Variants in TBC1D4 observed in about 807,000 individuals in gnomAD.
TBC1D4 encodes the protein TBC1 domain family member 4.
TBC1D4 carries 121 observed loss-of-function variants against 142.5 expected under a neutral mutation model. The ratio of observed to expected loss-of-function variants is 0.85; its 90% CI spans 0.73 to 0.99. The LOEUF (loss-of-function observed/expected upper bound fraction) is 0.99. Ranked by LOEUF, TBC1D4 falls within the 50% of genes least tolerant of loss-of-function variation. The pLI, the probability that TBC1D4 is intolerant of heterozygous loss-of-function variation, is 0.00. For synonymous variants in TBC1D4, 630 were observed against 628.2 expected (o/e 1.00, Z -0.04); for missense variants, 1,475 against 1,606.6 (o/e 0.92, Z 1.40).
chr13:75,364,778 T>C (rs1013476966), intron 1 of TBC1D4, among the ~76,000 whole-genome samples: 1 of 152,268 alleles, frequency 6.6e-6, no homozygotes, highest in Non-Finnish European at 1.5e-5. Flanking sequence ...TCTTTTTGTC[T>C]GATTTCCACT....
At chr13:75,292,759 A>C in intron 18 of TBC1D4, among the ~76,000 whole-genome samples, 1 of 152,188 alleles carries the variant, frequency 6.6e-6, no homozygotes, top group Non-Finnish European at 1.5e-5. Flanking sequence ...AAATTAAAAC[A>C]AATGAAAAAC....
chr13:75,481,497 G>A lies in TBC1D4; in HGVS notation c.271C>T (p.Leu91=). The A allele has an allele frequency of 6.2e-7, 1 of 1,612,322 alleles. No individual in the cohort carries two copies. The highest frequency in any genetic ancestry group is 8.5e-7 in the Non-Finnish European group (1 of 1,179,080). The change falls in exon 1 of 21, where the codon CTG becomes TTG. Residue 91 remains leucine, a synonymous_variant. Coordinates refer to ENST00000377636, the MANE Select transcript of TBC1D4 (RefSeq NM_014832.5). ...EVILVLSAPF[L]RCVPAPGAGA... ...GCGCCCGGCGCGGGGACGCAACGCA[G>A]GAAGGGCGCGCTGAGCACCAGGATC... is the stretch of plus-strand genomic sequence containing the variant.
intron 15 of TBC1D4, among the ~76,000 whole-genome samples, chr13:75,305,463 T>C (rs1365504344): frequency 6.6e-6 from 1 of 152,222 alleles, no homozygotes; most frequent in Non-Finnish European, 1.5e-5. Context: ...GTCTCCCAAA[T>C]AAAGCATTCA....
intron 1 of TBC1D4, among the ~76,000 whole-genome samples, chr13:75,405,501 A>G (rs2138369773): frequency 6.6e-6 from 1 of 152,224 alleles, no homozygotes; most frequent in South Asian, 2.1e-4. Context: ...CGAACTCCTG[A>G]GTTCAGGCAA....
chr13:75,366,984 T>C (rs1046596575), intron 1 of TBC1D4: 1 of 985,232 alleles, frequency 1.0e-6, no homozygotes, highest in African/African-American at 1.7e-5. Flanking sequence ...ACTGGTGTAG[T>C]CCTCAGTATT....
intron 3 of TBC1D4, among the ~76,000 whole-genome samples, chr13:75,357,815 G>T (rs762221536): frequency 2.0e-5 from 3 of 152,110 alleles, no homozygotes; most frequent in Non-Finnish European, 4.4e-5. Flanking sequence ...GGAGCAGATG[G>T]CTAACCTGAC....
At chr13:75,387,795 T>A (rs919501541) in intron 1 of TBC1D4, among the ~76,000 whole-genome samples, 1 of 152,208 alleles carries the variant, frequency 6.6e-6, no homozygotes, top group Non-Finnish European at 1.5e-5. Flanking sequence ...GTAAAAATGG[T>A]GTTCCATGTA....
At position 75,356,213 on chromosome 13, in the gene TBC1D4, C is replaced by A; in HGVS notation, c.1209G>T (p.Arg403=). Residue 403 remains arginine (R), a synonymous_variant, in exon 4 of 21, where the codon CGG becomes CGT. Transcript: ENST00000377636. ...GGCTAAGTCCAGGCTCTGGAGACTC[C>A]CGGCAGATAAAGCCAAAGTGATCCA... The part of the protein sequence containing the change: ...KHVDHFGFIC[R]ESPEPGLSQY... The A allele has an allele frequency of 6.2e-7, 1 of 1,613,752 alleles. No homozygotes were observed. The highest frequency in any genetic ancestry group is 1.3e-5 in the African/African-American group (1 of 75,010).
intron 1 of TBC1D4, among the ~76,000 whole-genome samples, chr13:75,470,884 G>A (rs1888370819): frequency 1.3e-5 from 2 of 152,050 alleles, no homozygotes; most frequent in South Asian, 4.1e-4. Flanking sequence ...ATACTTGGGA[G>A]GCTGGGGCAC....
At chr13:75,350,990 T>G (rs1881542017) in intron 4 of TBC1D4, among the ~76,000 whole-genome samples, 1 of 152,208 alleles carries the variant, frequency 6.6e-6, no homozygotes, top group East Asian at 1.9e-4. Context: ...GTGAATAACT[T>G]AATTATTTTA....
chr13:75,326,174 A>G (rs1416369669), intron 10 of TBC1D4, 23 bp downstream of exon 10: 1 of 1,613,282 alleles, frequency 6.2e-7, no homozygotes, highest in Non-Finnish European at 8.5e-7. Context: ...TCTAGGTCTC[A>G]TTCTGGAGAG....
chr13:75,311,608 C>T (rs1877763394), intron 13 of TBC1D4, among the ~76,000 whole-genome samples: 1 of 152,004 alleles, frequency 6.6e-6, no homozygotes, highest in Non-Finnish European at 1.5e-5. Flanking sequence ...TTTAACTGCT[C>T]CCTAGATCCG....
rs1029280976 is a variant in TBC1D4 at position 75,298,620 on chromosome 13, G to A, written c.3156+710C>T. ...ACAAAAAAATTAGCCAGGCATGGTG[G>A]CACCTGCCTGTAATCCCAGCTACTG... is the stretch of plus-strand genomic sequence containing the variant. On this transcript the variant is annotated intron_variant, in intron 17 of 20. Transcript: ENST00000377636. 2.6e-5 allele frequency among the ~76,000 whole-genome samples: 4 copies of A among 152,300 alleles called. No individual in the cohort carries two copies. The East Asian group carries it at 7.7e-4, about 29-fold the overall frequency.
At chr13:75,296,346 C>CA (rs1875926028) in intron 17 of TBC1D4, among the ~76,000 whole-genome samples, 1 of 151,804 alleles carries the variant, frequency 6.6e-6, no homozygotes. Context: ...GCACAAAAAT[C>CA]AAAAAAGTCT....
chr13:75,365,335 T>G (rs1882846663), intron 1 of TBC1D4, among the ~76,000 whole-genome samples: 1 of 151,570 alleles, frequency 6.6e-6, no homozygotes, highest in Admixed American at 6.6e-5. Context: ...CAGCTCTGTT[T>G]TTTTTTTTTT....
At chr13:75,360,456 A>G (rs1224263144) in intron 2 of TBC1D4, among the ~76,000 whole-genome samples, 2 of 152,144 alleles carry the variant, frequency 1.3e-5, no homozygotes, top group Non-Finnish European at 2.9e-5. Flanking sequence ...AAAAATATGA[A>G]CTTCCAGGGG....
intron 1 of TBC1D4, among the ~76,000 whole-genome samples, chr13:75,379,448 A>G (rs1377326232): frequency 1.3e-5 from 2 of 152,228 alleles, no homozygotes; most frequent in African/African-American, 4.8e-5. Flanking sequence ...AGGAAAATAT[A>G]TATTTTGTTC....
intron 1 of TBC1D4, among the ~76,000 whole-genome samples, chr13:75,398,981 A>T (rs1884943141): frequency 6.6e-6 from 1 of 152,162 alleles, no homozygotes; most frequent in Non-Finnish European, 1.5e-5. Context: ...ACTTTTCTCA[A>T]ACAGAGTAGA....
At chr13:75,356,315 T>G in intron 3 of TBC1D4, 64 bp from the exon 4 acceptor site, 1 of 1,154,300 alleles carries the variant, frequency 8.7e-7, no homozygotes, top group Admixed American at 1.9e-5. Context: ...CTCAACAATA[T>G]GGAAAGCAAC....
Sources: allele counts gnomAD v4.1 joint callset (sites outside exome capture counted in the v4.1 genomes callset), GRCh38; gene constraint gnomAD v4.1.1; transcripts MANE v1.5; gene names NCBI Gene and HGNC (gene_info 2026-07-23, HGNC 2026-07-21).